CNKSR3: variants seen among roughly 807,000 people sequenced by gnomAD.
CNKSR3 encodes CNKSR family member 3.
CNKSR3 carries 36 observed loss-of-function variants against 67.7 expected under a neutral mutation model. The observed-to-expected ratio is 0.53, with a 90% CI of 0.41 to 0.70. The LOEUF (loss-of-function observed/expected upper bound fraction) is 0.70. Ranked by LOEUF, CNKSR3 falls within the 30% of genes least tolerant of loss-of-function variation. The pLI, the probability that CNKSR3 is intolerant of heterozygous loss-of-function variation, is 0.00. For synonymous variants in CNKSR3, 281 were observed against 271.4 expected, an observed-to-expected ratio of 1.04 and a Z score of -0.35; for missense variants, 630 against 695.2, an observed-to-expected ratio of 0.91 and a Z score of 1.05.
In CNKSR3 at chr6:154,428,333, T is replaced by C. The variant is rs960364296; in HGVS notation, c.670-146A>G. 3 of 635,282 alleles carry C rather than the reference T, an allele frequency of 4.7e-6. No individual in the cohort carries two copies. The African/African-American group carries it at 5.5e-5, about 12-fold the overall frequency. 39.4% of individuals were successfully genotyped at this position (635,282 alleles called of 1,614,324 possible). On this transcript the variant is annotated intron_variant, in intron 6 of 12. Transcript: ENST00000607772. ...CCTCCTGAAACATCGAGAAACAAGA[T>C]CCAAAGGGTGGTGAAGGGGAGCTAA...
chr6:154,444,661 A>G (rs1374760697), intron 2 of CNKSR3, among the ~76,000 whole-genome samples: 1 of 146,554 alleles, frequency 6.8e-6, no homozygotes, highest in East Asian at 2.0e-4. Flanking sequence ...GCTGGAGTGC[A>G]GTGGTGTGAT....
chr6:154,458,880 T>C (rs1229832264), intron 1 of CNKSR3, among the ~76,000 whole-genome samples: 2 of 152,158 alleles, frequency 1.3e-5, no homozygotes, highest in Non-Finnish European at 2.9e-5. Flanking sequence ...AAACATAATG[T>C]CTGAAAACTG....
intron 1 of CNKSR3, among the ~76,000 whole-genome samples, chr6:154,457,031 T>C (rs182003396): frequency 1.8e-3 from 268 of 152,246 alleles, no homozygotes; most frequent in African/African-American, 6.0e-3. Flanking sequence ...AAACATTAAA[T>C]GGTAAAGACC....
At chr6:154,454,132 G>C (rs866620388) in intron 1 of CNKSR3, among the ~76,000 whole-genome samples, 98,147 of 142,992 alleles carry the variant, frequency 0.69, 34,319 homozygotes, top group East Asian at 0.87. Context: ...GAGAGAGAGA[G>C]AGAGAGAGAG....
rs1784721011 is a variant in CNKSR3 at position 154,401,891 on chromosome 6, T to A, written c.*4463A>T. ...TTACTTACTCGAGCTCTTTGGCGGA[T>A]GAAAAGTTTTGTGTCAATACCTCAG... On this transcript the variant is annotated 3_prime_UTR_variant, in exon 13 of 13. Transcript: ENST00000607772. The A allele has an allele frequency of 1.3e-5, 2 of 152,168 alleles. No homozygotes were observed. The highest frequency in any genetic ancestry group is 1.3e-4 in the Admixed American group (2 of 15,278). The allele number at this position is 152,168 out of a possible 1,614,324, so 9.4% of individuals were successfully genotyped here.
At chr6:154,441,429 G>A (rs1429492434) in intron 3 of CNKSR3, 50 bp from the exon 4 acceptor site, 1 of 1,304,380 alleles carries the variant, frequency 7.7e-7, no homozygotes, top group Non-Finnish European at 1.1e-6. Context: ...GAATCCACGG[G>A]GATCCCACTG....
chr6:154,391,190 T>G lies in CNKSR3; in HGVS notation c.*15164A>C, dbSNP rs1784602807. 6.6e-6 allele frequency: 1 copy of G among 152,174 alleles called. No individual in the cohort carries two copies. The highest frequency in any genetic ancestry group is 1.5e-5 in the Non-Finnish European group (1 of 68,046). The allele number at this position is 152,174 out of a possible 1,614,324, so 9.4% of individuals were successfully genotyped here. A position where few individuals can be genotyped will look rare whatever the true frequency, so the allele number is the denominator to read the frequency against. On this transcript the variant is annotated 3_prime_UTR_variant, in exon 13 of 13. Coordinates refer to ENST00000607772, the MANE Select transcript of CNKSR3 (RefSeq NM_173515.4). ...ATGTGCATACATATCTGTGTCCACA[T>G]GTCCTTGATTGAGCCCACCATAATG...
chr6:154,433,510 A>G lies in CNKSR3; in HGVS notation c.508-3T>C, dbSNP rs1785410886. 1.9e-6 allele frequency: 3 copies of G among 1,585,530 alleles called. No homozygotes were observed. The East Asian group carries it at 6.7e-5, about 36-fold the overall frequency. ...TCCATTTCCGCTACAAAGCAATCCT[A>G]AAGAAGGGGATGGAGAAAATGAATA... On this transcript the variant is annotated splice_region_variant and splice_polypyrimidine_tract_variant and intron_variant, in intron 4 of 12. Transcript: ENST00000607772.
At chr6:154,442,570 C>A (rs1489593465) in intron 2 of CNKSR3, among the ~76,000 whole-genome samples, 3 of 152,106 alleles carry the variant, frequency 2.0e-5, no homozygotes, top group Non-Finnish European at 1.5e-5. Context: ...TGCAGTGAGC[C>A]GAGATGGCGC....
rs898086493 is a variant in CNKSR3, at chr6:154,421,497, A to G, written c.945+1009T>C. ...TCTTATAAAAGGGCATTATAAGGTT[A>G]TTGCTTTTCATTCTTGCTTTATGAA... On this transcript the variant is annotated intron_variant, in intron 9 of 12. Coordinates refer to ENST00000607772, the MANE Select transcript of CNKSR3 (RefSeq NM_173515.4). Among the ~76,000 whole-genome samples, 11 of 152,224 alleles carry G rather than the reference A, an allele frequency of 7.2e-5. 1 individual carries two copies. The highest frequency in any genetic ancestry group is 7.2e-4 in the Admixed American group (11 of 15,284).
At chr6:154,479,094 A>G (rs2114636520) in intron 1 of CNKSR3, among the ~76,000 whole-genome samples, 1 of 152,174 alleles carries the variant, frequency 6.6e-6, no homozygotes, top group African/African-American at 2.4e-5. Flanking sequence ...TCTGAGCTTT[A>G]AAAACACAGC....
At chr6:154,430,410 A>T (rs758530505) in intron 6 of CNKSR3, 62 bp downstream of exon 6, 350 of 1,490,060 alleles carry the variant, frequency 2.3e-4, no homozygotes, top group Non-Finnish European at 3.0e-4. Flanking sequence ...GAATTTTTTT[A>T]AAAATTTAGT....
At chr6:154,453,230 T>C (rs1785875569) in intron 1 of CNKSR3, among the ~76,000 whole-genome samples, 1 of 152,196 alleles carries the variant, frequency 6.6e-6, no homozygotes, top group South Asian at 2.1e-4. Context: ...AACATAAAGA[T>C]GAGGCCAGAT....
chr6:154,457,328 G>A (rs1582876367), intron 1 of CNKSR3, among the ~76,000 whole-genome samples: 1 of 152,132 alleles, frequency 6.6e-6, no homozygotes, highest in South Asian at 2.1e-4. Flanking sequence ...TCTGTCGCTC[G>A]TTTTGTTGAT....
intron 5 of CNKSR3, among the ~76,000 whole-genome samples, chr6:154,432,311 T>C (rs1785386757): frequency 6.6e-6 from 1 of 152,244 alleles, no homozygotes; most frequent in African/African-American, 2.4e-5. Flanking sequence ...TATTCTTTGG[T>C]GAAGTACCTG....
chr6:154,493,414 T>C (rs1271415497), intron 1 of CNKSR3, among the ~76,000 whole-genome samples: 2 of 152,186 alleles, frequency 1.3e-5, no homozygotes, highest in South Asian at 2.1e-4. Flanking sequence ...CTTTCATTCA[T>C]TGCCACATCC....
chr6:154,419,806 A>AT lies in CNKSR3; in HGVS notation c.945+2699dup, dbSNP rs961943464. 9.9e-5 allele frequency among the ~76,000 whole-genome samples: 15 copies of AT among 152,248 alleles called. 2 individuals carry two copies. Among genetic ancestry groups the AT allele is most frequent in the Admixed American group, 1.3e-4 (2 of 15,288 alleles). On this transcript the variant is annotated intron_variant, in intron 9 of 12. Coordinates refer to ENST00000607772, the MANE Select transcript of CNKSR3 (RefSeq NM_173515.4). ...AAAAAGAAGGAAATGCTCGTGGGGC[A>AT]TGGTGGCTCACGCCTGTAATCCTAG...
At position 154,406,622 on chromosome 6, in the gene CNKSR3, T is replaced by C; in HGVS notation, c.1400A>G (p.Asn467Ser). 2 of 1,613,622 alleles carry C rather than the reference T, an allele frequency of 1.2e-6. No individual in the cohort carries two copies. The highest frequency in any genetic ancestry group is 1.7e-6 in the Non-Finnish European group (2 of 1,179,600). The change falls in exon 13 of 13, where the codon AAC (asparagine) becomes AGC (serine). Residue 467 changes from asparagine (N) to serine (S), a missense_variant. Coordinates refer to ENST00000607772, the MANE Select transcript of CNKSR3 (RefSeq NM_173515.4). ...TTCAATGATCGGAGGAATCCGCTCG[T>C]TACTGAAATACCGGCAAAGGGCATC... is the stretch of plus-strand genomic sequence containing the variant. Reference protein sequence around the residue: ...GEDALCRYFSNERIPPIIEES... With the variant: ...GEDALCRYFSSERIPPIIEES...
chr6:154,401,848 T>C lies in CNKSR3; in HGVS notation c.*4506A>G, dbSNP rs1301145114. The C allele has an allele frequency of 6.6e-6, 1 of 152,330 alleles. No individual in the cohort carries two copies. The highest frequency in any genetic ancestry group is 1.9e-4 in the East Asian group (1 of 5,180). 9.4% of individuals were successfully genotyped at this position (152,330 alleles called of 1,614,324 possible). A position where few individuals can be genotyped will look rare whatever the true frequency, so the allele number is the denominator to read the frequency against. On this transcript the variant is annotated 3_prime_UTR_variant, in exon 13 of 13. Transcript: ENST00000607772. ...TGAGTCTCATGCTTTGCTGGTGACA[T>C]TCAAATGTCAGACAGATTTACTTAC...
Sources: allele counts gnomAD v4.1 joint callset (sites outside exome capture counted in the v4.1 genomes callset), GRCh38; gene constraint gnomAD v4.1.1; transcripts MANE v1.5; gene names NCBI Gene and HGNC (gene_info 2026-07-23, HGNC 2026-07-21).